EYS: variants seen among roughly 807,000 people sequenced by gnomAD.
The protein encoded by EYS is protein eyes shut homolog.
In EYS, 250 loss-of-function variants were observed where a neutral mutation model predicts 282.1. That is an observed-to-expected ratio of 0.89 (90% CI 0.80 to 0.98). The LOEUF is 0.98. Ranked by LOEUF, EYS falls within the 50% of genes least tolerant of loss-of-function variation. The pLI is 0.00. For missense variants in EYS, 4,016 were observed against 3,709.0 expected (o/e 1.08, Z -2.15); for synonymous variants, 1,355 against 1,282.9 (o/e 1.06, Z -1.20).
chr6:65,464,441 A>G (rs1053937140), intron 5 of EYS, among the ~76,000 whole-genome samples: 2 of 152,192 alleles, frequency 1.3e-5, no homozygotes, highest in African/African-American at 4.8e-5. Flanking sequence ...TATGTCAAAT[A>G]TATCTGTGAA....
intron 35 of EYS, among the ~76,000 whole-genome samples, chr6:63,935,283 C>T (rs1283505398): frequency 3.3e-5 from 5 of 152,194 alleles, no homozygotes; most frequent in Admixed American, 2.0e-4. Context: ...ATTCATTAGA[C>T]GAATGAATAA....
chr6:63,733,899 C>A (rs560458992), intron 41 of EYS, among the ~76,000 whole-genome samples: 1 of 152,122 alleles, frequency 6.6e-6, no homozygotes, highest in Non-Finnish European at 1.5e-5. Context: ...CAAAGGAAGA[C>A]ATTATCCCTG....
chr6:64,162,677 C>A (rs1026065873), intron 31 of EYS, among the ~76,000 whole-genome samples: 1 of 152,154 alleles, frequency 6.6e-6, no homozygotes, highest in African/African-American at 2.4e-5. Flanking sequence ...ACCTTTTATT[C>A]TCTCTGGTCC....
At chr6:64,057,260 A>G (rs1219522893) in intron 33 of EYS, among the ~76,000 whole-genome samples, 1 of 152,182 alleles carries the variant, frequency 6.6e-6, no homozygotes, top group Non-Finnish European at 1.5e-5. Flanking sequence ...CAGATGTTAA[A>G]TTGTAAAACA....
intron 1 of EYS, among the ~76,000 whole-genome samples, chr6:65,669,723 A>G (rs1051824331): frequency 6.6e-6 from 1 of 151,728 alleles, no homozygotes; most frequent in East Asian, 1.9e-4. Flanking sequence ...TTTTCTGTAA[A>G]CTCCTGTTTC....
At chr6:63,816,721 T>C (rs1433955717) in intron 36 of EYS, among the ~76,000 whole-genome samples, 1 of 152,210 alleles carries the variant, frequency 6.6e-6, no homozygotes, top group Admixed American at 6.5e-5. Flanking sequence ...CCCATTGGCT[T>C]ATCCTAAGGC....
At chr6:63,855,161 G>C (rs2149705401) in intron 36 of EYS, among the ~76,000 whole-genome samples, 1 of 152,322 alleles carries the variant, frequency 6.6e-6, no homozygotes, top group Non-Finnish European at 1.5e-5. Context: ...ATAGAGTACT[G>C]TGTAGTGATC....
intron 31 of EYS, among the ~76,000 whole-genome samples, chr6:64,099,698 G>C (rs1247184673): frequency 1.3e-5 from 2 of 152,058 alleles, no homozygotes; most frequent in African/African-American, 4.8e-5. Flanking sequence ...CTGACACTTA[G>C]GAAAGTTTCA....
intron 29 of EYS, among the ~76,000 whole-genome samples, chr6:64,371,218 T>G (rs890965079): frequency 6.6e-6 from 1 of 152,112 alleles, no homozygotes; most frequent in African/African-American, 2.4e-5. Context: ...TGTTGTATTG[T>G]TTTTCCATTA....
chr6:65,112,870 T>C (rs1581920313), intron 12 of EYS, among the ~76,000 whole-genome samples: 1 of 152,266 alleles, frequency 6.6e-6, no homozygotes, highest in East Asian at 1.9e-4. Flanking sequence ...TTGCCCTTCA[T>C]AAAATACTGG....
intron 12 of EYS, among the ~76,000 whole-genome samples, chr6:65,096,307 T>C (rs966901473): frequency 6.6e-6 from 1 of 150,808 alleles, no homozygotes; most frequent in Non-Finnish European, 1.5e-5. Context: ...TAAAGACTTG[T>C]ACACTAAAAC....
chr6:63,932,244 T>C lies in EYS; in HGVS notation c.7055+52139A>G, dbSNP rs537709750. Among the ~76,000 whole-genome samples the C allele has an allele frequency of 2.0e-5, 3 of 152,344 alleles. No homozygotes were observed. In the East Asian group the frequency reaches 5.8e-4, roughly 29 times the overall value. Reference sequence around the variant, plus strand: ...TATCTATTCATTTATTGATGAACTTTTAGCTTGATTTTTTATCTTTGCTAT... The same window carrying C: ...TATCTATTCATTTATTGATGAACTTCTAGCTTGATTTTTTATCTTTGCTAT... On this transcript the variant is annotated intron_variant, in intron 35 of 42. Transcript: ENST00000503581.
intron 12 of EYS, among the ~76,000 whole-genome samples, chr6:65,201,544 A>G (rs1178837596): frequency 6.6e-6 from 1 of 152,176 alleles, no homozygotes; most frequent in Admixed American, 6.6e-5. Context: ...GAATAATGTC[A>G]TCTTCCACCA....
At chr6:65,238,876 C>G (rs1766990321) in intron 12 of EYS, among the ~76,000 whole-genome samples, 1 of 151,740 alleles carries the variant, frequency 6.6e-6, no homozygotes, top group African/African-American at 2.4e-5. Flanking sequence ...TGAAGATGAA[C>G]AAATGCTACA....
At chr6:65,427,909 T>C (rs1767725713) in intron 5 of EYS, among the ~76,000 whole-genome samples, 1 of 151,944 alleles carries the variant, frequency 6.6e-6, no homozygotes, top group Non-Finnish European at 1.5e-5. Context: ...ATCAAGAACA[T>C]GATATATAAT....
rs1177088173 is a variant in EYS at position 64,591,512 on chromosome 6, G to T, written c.4355C>A (p.Ala1452Asp). 2 of 1,550,900 alleles carry T rather than the reference G, an allele frequency of 1.3e-6. No individual in the cohort carries two copies. The highest frequency in any genetic ancestry group is 4.9e-5 in the East Asian group (2 of 40,890). ...AACTGGAGTTGCACTTATGGAGGCA[G>T]CTATAAGCAGGAATCCACGGGAGAG... ...SLLSRGFLLIAASISATPVVS... is the reference protein window; with the variant it reads ...SLLSRGFLLIDASISATPVVS... The change falls in exon 26 of 43, where the codon GCT (alanine) becomes GAT (aspartate). Residue 1452 changes from alanine to aspartate, a missense_variant. Ala to Asp is a moderately radical substitution (Grantham distance 126). Coordinates refer to ENST00000503581, the MANE Select transcript of EYS (RefSeq NM_001142800.2).
chr6:63,829,595 T>C (rs2149690253), intron 36 of EYS, among the ~76,000 whole-genome samples: 1 of 152,262 alleles, frequency 6.6e-6, no homozygotes, highest in African/African-American at 2.4e-5. Context: ...CCACTGCAGC[T>C]CAAGGAGGCC....
At chr6:64,305,729 A>C (rs1769417756) in intron 30 of EYS, among the ~76,000 whole-genome samples, 1 of 152,200 alleles carries the variant, frequency 6.6e-6, no homozygotes, top group Admixed American at 6.5e-5. Flanking sequence ...CACCATATAC[A>C]ATAATTAACT....
chr6:63,832,969 A>G, intron 36 of EYS, among the ~76,000 whole-genome samples: 1 of 152,220 alleles, frequency 6.6e-6, no homozygotes, highest in Non-Finnish European at 1.5e-5. Context: ...CAAAAACCAC[A>G]TGACTATGTC....
Sources: allele counts gnomAD v4.1 joint callset (sites outside exome capture counted in the v4.1 genomes callset), GRCh38; gene constraint gnomAD v4.1.1; transcripts MANE v1.5; gene names NCBI Gene and HGNC (gene_info 2026-07-23, HGNC 2026-07-21).